Variants in SLC45A4 observed in about 807,000 individuals in gnomAD.
SLC45A4 encodes polyamine-transporter SLC45A4.
Under a neutral mutation model 63.7 loss-of-function variants are expected in SLC45A4, and 32 were observed. The ratio of observed to expected loss-of-function variants is 0.50; its 90% CI spans 0.38 to 0.67. The LOEUF (loss-of-function observed/expected upper bound fraction) is 0.67. SLC45A4 is among the 30% of genes least tolerant of loss of function. The pLI is 0.00. For synonymous variants in SLC45A4, 535 were observed against 510.0 expected, an observed-to-expected ratio of 1.05 and a Z score of -0.66; for missense variants, 1,027 against 1,157.7, an observed-to-expected ratio of 0.89 and a Z score of 1.64.
intron 1 of SLC45A4, among the ~76,000 whole-genome samples, chr8:141,295,495 C>T (rs1437121991): frequency 1.3e-5 from 2 of 152,220 alleles, no homozygotes; most frequent in African/African-American, 4.8e-5. Flanking sequence ...TCAGGAACTA[C>T]CGCACTCAGC....
chr8:141,251,768 A>G (rs1004439714), intron 2 of SLC45A4, among the ~76,000 whole-genome samples: 2 of 151,858 alleles, frequency 1.3e-5, no homozygotes, highest in African/African-American at 4.8e-5. Context: ...AGCACTGGAA[A>G]AGTAAGATGA....
rs1315956708 is a variant in SLC45A4 at position 141,215,537 on chromosome 8, G to C, written c.1941+222C>G. ...CTCCAGAAGCCTCTGGAGGTGCTAG[G>C]GGGGTGGGGGCGGCTGAAGGAGAAG... On this transcript the variant is annotated intron_variant, in intron 7 of 8. Transcript: ENST00000517878. This position sits in a 1 kb window ranked among gnomAD's most constrained non-coding sequence, Gnocchi z 4.3. Among the ~76,000 whole-genome samples, 1 of 152,062 alleles carries C rather than the reference G, an allele frequency of 6.6e-6. No individual in the cohort carries two copies. Among genetic ancestry groups the C allele is most frequent in the African/African-American group, 2.4e-5 (1 of 41,400 alleles).
intron 1 of SLC45A4, among the ~76,000 whole-genome samples, chr8:141,298,321 G>A (rs1015619960): frequency 2.6e-5 from 4 of 152,216 alleles, no homozygotes; most frequent in Non-Finnish European, 4.4e-5. Context: ...GACGTTTTCC[G>A]CACCCAGCCA....
chr8:141,272,640 C>T (rs992231219), intron 1 of SLC45A4, among the ~76,000 whole-genome samples: 7 of 152,202 alleles, frequency 4.6e-5, no homozygotes, highest in East Asian at 1.9e-4. Flanking sequence ...CCTTGCCACA[C>T]GGCACCTGCA....
intron 2 of SLC45A4, among the ~76,000 whole-genome samples, chr8:141,236,516 A>G (rs1319998174): frequency 6.6e-6 from 1 of 152,246 alleles, no homozygotes; most frequent in Non-Finnish European, 1.5e-5. Context: ...CAAACAACCT[A>G]TTCTGCACCC....
intron 7 of SLC45A4, among the ~76,000 whole-genome samples, chr8:141,213,030 CAA>C (rs1271276884): frequency 1.3e-5 from 2 of 151,460 alleles, no homozygotes; most frequent in African/African-American, 2.4e-5. Context: ...GTTTCTTGCA[CAA>C]AGATACAAAA....
At chr8:141,217,971 G>A in intron 5 of SLC45A4, 40 bp downstream of exon 5, 1 of 1,529,946 alleles carries the variant, frequency 6.5e-7, no homozygotes, top group Non-Finnish European at 8.8e-7. Context: ...GCCGCAGGTG[G>A]GCAGAGAGAG....
intron 1 of SLC45A4, among the ~76,000 whole-genome samples, chr8:141,261,609 A>AC (rs557432980): frequency 6.6e-6 from 1 of 152,030 alleles, no homozygotes; most frequent in Non-Finnish European, 1.5e-5. Flanking sequence ...ATCATGAGTG[A>AC]CCCCCCATTC....
chr8:141,287,620 C>T (rs866103976), intron 1 of SLC45A4, among the ~76,000 whole-genome samples: 2 of 152,264 alleles, frequency 1.3e-5, no homozygotes, highest in South Asian at 2.1e-4. Flanking sequence ...AAAGGATCTT[C>T]TGTGCGGCAT....
chr8:141,299,057 A>G (rs1830657978), intron 1 of SLC45A4, among the ~76,000 whole-genome samples: 1 of 152,102 alleles, frequency 6.6e-6, no homozygotes, highest in East Asian at 1.9e-4. Flanking sequence ...CAGATGCCGC[A>G]CTGTCTAGCA....
At chr8:141,233,123 T>C (rs955302126) in intron 2 of SLC45A4, among the ~76,000 whole-genome samples, 1 of 152,192 alleles carries the variant, frequency 6.6e-6, no homozygotes. Flanking sequence ...AAGTAACTTT[T>C]TTCACAATGG....
In SLC45A4 at chr8:141,300,321, G is replaced by T. The variant is rs531266112; in HGVS notation, c.-401+7775C>A. Among the ~76,000 whole-genome samples, 451 of 152,320 alleles carry T rather than the reference G, an allele frequency of 3.0e-3. 1 individual carries two copies. Among genetic ancestry groups the T allele is most frequent in the African/African-American group, 0.01 (430 of 41,562 alleles). ...ACAACGCAAAGTTCTACTGCTCTCAGTCCTCAGCGTGCTGTTTCTGAGTGG... is the reference window on the plus strand; with the variant it reads ...ACAACGCAAAGTTCTACTGCTCTCATTCCTCAGCGTGCTGTTTCTGAGTGG... On this transcript the variant is annotated intron_variant, in intron 1 of 8. Transcript: ENST00000517878.
chr8:141,267,172 C>G (rs968711883), intron 1 of SLC45A4, among the ~76,000 whole-genome samples: 1 of 152,274 alleles, frequency 6.6e-6, no homozygotes, highest in Non-Finnish European at 1.5e-5. Context: ...CGTGACACTT[C>G]CACTGCCTTC....
At chr8:141,226,556 G>A (rs1042986880) in intron 2 of SLC45A4, 6 of 152,402 alleles carry the variant, frequency 3.9e-5, no homozygotes, top group African/African-American at 1.2e-4. Context: ...GGAGACCCAC[G>A]ACTGGGGTAC....
intron 1 of SLC45A4, among the ~76,000 whole-genome samples, chr8:141,293,410 C>T (rs932280343): frequency 1.1e-4 from 16 of 152,026 alleles, no homozygotes; most frequent in African/African-American, 3.4e-4. Context: ...ACCCAGATCA[C>T]GCCACTGCAC....
chr8:141,281,345 CA>C (rs1589848059), intron 1 of SLC45A4, among the ~76,000 whole-genome samples: 1 of 152,044 alleles, frequency 6.6e-6, no homozygotes, highest in Admixed American at 6.6e-5. Flanking sequence ...TCTCAAAAAA[CA>C]AAAAAACCTC....
intron 2 of SLC45A4, among the ~76,000 whole-genome samples, chr8:141,233,820 G>A (rs749961095): frequency 6.6e-5 from 10 of 152,172 alleles, no homozygotes; most frequent in African/African-American, 1.9e-4. Flanking sequence ...TGCTTTTCCC[G>A]TTTTGCTGGT....
intron 2 of SLC45A4, among the ~76,000 whole-genome samples, chr8:141,237,490 C>G (rs1242892016): frequency 6.6e-6 from 1 of 152,212 alleles, no homozygotes. Flanking sequence ...CTGCATTGCG[C>G]TGGGTGTCCC....
At chr8:141,276,996 C>G (rs1829752853) in intron 1 of SLC45A4, among the ~76,000 whole-genome samples, 1 of 152,356 alleles carries the variant, frequency 6.6e-6, no homozygotes, top group South Asian at 2.1e-4. Flanking sequence ...TGAGCCAGCA[C>G]AGGATGTCGC....
Sources: allele counts gnomAD v4.1 joint callset (sites outside exome capture counted in the v4.1 genomes callset), GRCh38; gene constraint gnomAD v4.1.1; non-coding constraint Gnocchi (gnomAD v3.1); transcripts MANE v1.5; gene names NCBI Gene and HGNC (gene_info 2026-07-23, HGNC 2026-07-21).